Variants in TAF3 observed in about 807,000 individuals in gnomAD.
TAF3 encodes the protein transcription initiation factor TFIID subunit 3.
Under a neutral mutation model 80.6 loss-of-function variants are expected in TAF3, and 7 were observed. That is an observed-to-expected ratio of 0.09 (90% CI 0.05 to 0.16). TAF3 has a LOEUF of 0.16. Among genes scored for constraint, TAF3 ranks in the 10% least tolerant of loss-of-function variants. TAF3 has a pLI of 1.00. For missense variants in TAF3, 921 were observed against 1,140.2 expected (o/e 0.81, Z 2.77); for synonymous variants, 444 against 446.1 (o/e 1.00, Z 0.06).
chr10:7,921,908 A>G (rs1271645485), intron 2 of TAF3, among the ~76,000 whole-genome samples: 1 of 152,246 alleles, frequency 6.6e-6, no homozygotes, highest in African/African-American at 2.4e-5. Flanking sequence ...AGGATAAATC[A>G]TATTTCTCTT....
intron 4 of TAF3, among the ~76,000 whole-genome samples, chr10:7,994,648 A>G (rs1831866974): frequency 6.6e-6 from 1 of 151,910 alleles, no homozygotes; most frequent in Non-Finnish European, 1.5e-5. Flanking sequence ...GCGCCCAGCC[A>G]CATATTTTCT....
intron 2 of TAF3, among the ~76,000 whole-genome samples, chr10:7,893,415 C>T (rs1588541699): frequency 6.6e-6 from 1 of 152,186 alleles, no homozygotes; most frequent in East Asian, 1.9e-4. Context: ...AGAGAAGAAG[C>T]AGGGAGGAGC....
intron 2 of TAF3, among the ~76,000 whole-genome samples, chr10:7,913,364 G>A (rs1320634724): frequency 6.6e-6 from 1 of 152,188 alleles, no homozygotes; most frequent in Admixed American, 6.5e-5. Context: ...AAGTCACACA[G>A]CAGCCACTCC....
intron 2 of TAF3, among the ~76,000 whole-genome samples, chr10:7,883,400 T>C (rs1837379490): frequency 6.6e-6 from 1 of 152,272 alleles, no homozygotes; most frequent in African/African-American, 2.4e-5. Flanking sequence ...GTTCTTCTAA[T>C]GCCTCATGTG....
Position 7,842,151 on chromosome 10 carries a change from G to GTTTTT in TAF3, c.409+17599_409+17603dup, listed in dbSNP as rs71505465. Among the ~76,000 whole-genome samples the GTTTTT allele has an allele frequency of 5.9e-4, 58 of 98,792 alleles. 4 individuals carry two copies. The highest frequency in any genetic ancestry group is 8.6e-4 in the Non-Finnish European group (40 of 46,634). 64.8% of individuals were successfully genotyped at this position (98,792 alleles called of 152,430 possible). On this transcript the variant is annotated intron_variant, in intron 2 of 6. Coordinates refer to ENST00000344293, the MANE Select transcript of TAF3 (RefSeq NM_031923.4). ...CATTGTAGGATATTGAATTAATATT[G>GTTTTT]TTTTTTTTTTTTGTTTTTTTTTTTG...
chr10:7,861,929 G>C (rs996857179), intron 2 of TAF3, among the ~76,000 whole-genome samples: 3 of 151,954 alleles, frequency 2.0e-5, no homozygotes, highest in Non-Finnish European at 2.9e-5. Context: ...AATTAAACTT[G>C]TGTTAGACCT....
intron 2 of TAF3, among the ~76,000 whole-genome samples, chr10:7,856,858 CAA>C (rs57207229): frequency 0.39 from 35,438 of 89,984 alleles, 3,476 homozygotes; most frequent in South Asian, 0.49. Context: ...AGCTGGTTCT[CAA>C]AAAAAAAAAA....
In TAF3 at chr10:7,818,728, A is replaced by C; in HGVS notation, c.19A>C (p.Arg7=). The change falls in exon 1 of 7, where the codon AGG becomes CGG. Residue 7 remains arginine, a synonymous_variant. Transcript: ENST00000344293. MCESYS[R]SLLRVSVAQI... ...CAGCGGGATGTGCGAGAGTTACTCCAGGTCGTTGTTGAGGGTCTCGGTGGC... is the reference window on the plus strand; with the variant it reads ...CAGCGGGATGTGCGAGAGTTACTCCCGGTCGTTGTTGAGGGTCTCGGTGGC... 1 of 1,603,756 alleles carries C rather than the reference A, an allele frequency of 6.2e-7. No individual in the cohort carries two copies. Among genetic ancestry groups the C allele is most frequent in the Non-Finnish European group, 8.5e-7 (1 of 1,176,950 alleles).
intron 2 of TAF3, among the ~76,000 whole-genome samples, chr10:7,910,473 C>A (rs985835584): frequency 6.6e-6 from 1 of 152,122 alleles, no homozygotes; most frequent in African/African-American, 2.4e-5. Context: ...CTCCACCTCC[C>A]AGATTCAAGT....
intron 4 of TAF3, among the ~76,000 whole-genome samples, chr10:7,991,689 G>A (rs1831835747): frequency 6.6e-6 from 1 of 152,098 alleles, no homozygotes; most frequent in Non-Finnish European, 1.5e-5. Context: ...TATATCACAT[G>A]CTCTAAATAA....
At position 8,012,508 on chromosome 10, in the gene TAF3, T is replaced by A. The variant is rs370201694; in HGVS notation, c.2569-1223T>A. Reference sequence around the variant, plus strand: ...TGCGGCACACAGAGTCACGGCCTTCTGACTTCAAGCAAGGTCAGCCAGCAG... The same window carrying A: ...TGCGGCACACAGAGTCACGGCCTTCAGACTTCAAGCAAGGTCAGCCAGCAG... On this transcript the variant is annotated intron_variant, in intron 5 of 6. Coordinates refer to ENST00000344293, the MANE Select transcript of TAF3 (RefSeq NM_031923.4). Among the ~76,000 whole-genome samples, 106 of 152,366 alleles carry A rather than the reference T, an allele frequency of 7.0e-4. 2 individuals are homozygous for A. Among genetic ancestry groups the A allele is most frequent in the African/African-American group, 2.3e-3 (97 of 41,580 alleles).
intron 2 of TAF3, among the ~76,000 whole-genome samples, chr10:7,844,795 C>CT (rs540227590): frequency 1.6e-4 from 25 of 151,666 alleles, no homozygotes; most frequent in African/African-American, 5.3e-4. Flanking sequence ...TTATGTTCTG[C>CT]TTTTTTTTAA....
At chr10:7,872,483 A>T (rs1019238271) in intron 2 of TAF3, among the ~76,000 whole-genome samples, 2 of 152,156 alleles carry the variant, frequency 1.3e-5, no homozygotes, top group African/African-American at 4.8e-5. Flanking sequence ...AATATTGTAG[A>T]TGGAAATATA....
intron 2 of TAF3, among the ~76,000 whole-genome samples, chr10:7,863,390 C>A (rs1053902939): frequency 4.0e-5 from 6 of 151,484 alleles, no homozygotes; most frequent in Admixed American, 2.0e-4. Context: ...GCAGGCAGGT[C>A]ACCTGAGTTC....
chr10:7,833,325 A>T lies in TAF3; in HGVS notation c.409+8765A>T, dbSNP rs190240128. Among the ~76,000 whole-genome samples the T allele has an allele frequency of 6.3e-4, 96 of 152,336 alleles. 2 individuals carry two copies. The highest frequency in any genetic ancestry group is 9.7e-4 in the Non-Finnish European group (66 of 68,020). ...TAATCTAAATTCCCACCAACAGTGT[A>T]CAAGGATTCCCCCTTTTCTCCACAT... On this transcript the variant is annotated intron_variant, in intron 2 of 6. Transcript: ENST00000344293.
At chr10:7,998,864 G>A (rs1477498809) in intron 4 of TAF3, among the ~76,000 whole-genome samples, 1 of 151,530 alleles carries the variant, frequency 6.6e-6, no homozygotes, top group Admixed American at 6.6e-5. Context: ...AAAAAAGAAA[G>A]AAATGTAGGG....
chr10:7,845,158 TG>T (rs1836957077), intron 2 of TAF3, among the ~76,000 whole-genome samples: 2 of 152,334 alleles, frequency 1.3e-5, no homozygotes, highest in East Asian at 1.9e-4. Context: ...CAAAGTGTAT[TG>T]TTTTTTTACT....
chr10:7,836,780 T>A (rs945868956), intron 2 of TAF3, among the ~76,000 whole-genome samples: 1 of 152,240 alleles, frequency 6.6e-6, no homozygotes, highest in African/African-American at 2.4e-5. Flanking sequence ...TGTTTAAACC[T>A]TTATCTCTTG....
intron 2 of TAF3, among the ~76,000 whole-genome samples, chr10:7,929,247 AT>A (rs981258879): frequency 4.9e-5 from 6 of 123,506 alleles, no homozygotes; most frequent in African/African-American, 8.0e-5. Flanking sequence ...GAAGTAGTTT[AT>A]TTTTTTTGTT....
Sources: gnomAD v4.1 joint callset for allele counts (sites outside exome capture counted in the v4.1 genomes callset) on GRCh38, gnomAD v4.1.1 for gene constraint, MANE v1.5 for transcripts, NCBI Gene and HGNC (gene_info 2026-07-23, HGNC 2026-07-21) for gene names.